EML1: variants seen among roughly 807,000 people sequenced by gnomAD.
EML1 encodes the protein EMAP like 1.
Under a neutral mutation model 110.4 loss-of-function variants are expected in EML1, and 27 were observed. The observed-to-expected ratio is 0.24, with a 90% CI of 0.18 to 0.34. EML1 has a LOEUF of 0.34. EML1 is among the 10% of genes least tolerant of loss of function. The pLI, the probability that EML1 is intolerant of heterozygous loss-of-function variation, is 1.00. For missense variants in EML1, 741 were observed against 1,030.9 expected (o/e 0.72, Z 3.85); for synonymous variants, 344 against 385.8 (o/e 0.89, Z 1.27).
At chr14:99,738,271 C>T (rs1433468807) in intron 1 of EML1, among the ~76,000 whole-genome samples, 1 of 152,202 alleles carries the variant, frequency 6.6e-6, no homozygotes, top group African/African-American at 2.4e-5. Context: ...CCGTCTGATT[C>T]CCCAAGTCTG....
At chr14:99,901,358 G>A (rs754779016) in intron 9 of EML1, among the ~76,000 whole-genome samples, 1 of 152,174 alleles carries the variant, frequency 6.6e-6, no homozygotes, top group East Asian at 1.9e-4. Flanking sequence ...CTTCTTTCAA[G>A]GGTGGCTCCA....
At chr14:99,909,296 T>C in intron 10 of EML1, 49 bp from the exon 11 acceptor site, 1 of 1,613,856 alleles carries the variant, frequency 6.2e-7, no homozygotes, top group Non-Finnish European at 8.5e-7. Flanking sequence ...ACATGTCTCT[T>C]ACGCGTCTTA....
chr14:99,824,481 A>G (rs1358656118), intron 1 of EML1, among the ~76,000 whole-genome samples: 2 of 151,322 alleles, frequency 1.3e-5, no homozygotes, highest in East Asian at 1.9e-4. Flanking sequence ...CAAAATCACA[A>G]TAATACAGCA....
intron 1 of EML1, among the ~76,000 whole-genome samples, chr14:99,761,072 A>G (rs186148401): frequency 5.3e-5 from 8 of 152,292 alleles, no homozygotes; most frequent in Admixed American, 3.9e-4. Context: ...AGAGCTTTAC[A>G]AATGTTACCT....
intron 1 of EML1, among the ~76,000 whole-genome samples, chr14:99,805,291 T>C (rs2057950834): frequency 6.6e-6 from 1 of 152,204 alleles, no homozygotes; most frequent in African/African-American, 2.4e-5. Flanking sequence ...AGAGTGGAAA[T>C]ATTAAATGGT....
chr14:99,825,998 C>T (rs189784900), intron 1 of EML1, among the ~76,000 whole-genome samples: 3 of 152,054 alleles, frequency 2.0e-5, no homozygotes, highest in Admixed American at 1.3e-4. Flanking sequence ...TTTGGTGGGC[C>T]GTTGTACAAC....
intron 1 of EML1, among the ~76,000 whole-genome samples, chr14:99,778,894 A>G (rs928384905): frequency 2.4e-4 from 36 of 152,076 alleles, no homozygotes; most frequent in Admixed American, 2.3e-3. Flanking sequence ...TTCTCTCTAG[A>G]AGCTTTTTGA....
chr14:99,875,039 T>G, intron 3 of EML1: 1 of 1,575,146 alleles, frequency 6.3e-7, no homozygotes, highest in Non-Finnish European at 8.7e-7. Context: ...TTCCATTGTT[T>G]CCATCTCTGT....
intron 1 of EML1, among the ~76,000 whole-genome samples, chr14:99,797,061 C>T (rs1372749667): frequency 3.9e-5 from 6 of 152,120 alleles, no homozygotes; most frequent in Non-Finnish European, 8.8e-5. Context: ...ATTTTAGAAC[C>T]TTTGCATTAC....
Position 99,940,271 on chromosome 14 carries a change from C to T in EML1, c.*159C>T, listed in dbSNP as rs1348198253. The T allele has an allele frequency of 3.1e-6, 3 of 978,902 alleles. No homozygotes were observed. The highest frequency in any genetic ancestry group is 3.8e-5 in the Admixed American group (1 of 25,996). The allele number at this position is 978,902 out of a possible 1,614,324, so 60.6% of individuals were successfully genotyped here. A position where few individuals can be genotyped will look rare whatever the true frequency, so the allele number is the denominator to read the frequency against. On this transcript the variant is annotated 3_prime_UTR_variant, in exon 22 of 22. Transcript: ENST00000262233. ...CTTAGCTTAGCGTGTCAGCGGGCGC[C>T]ACAGCGGATCAGCGGTTCCGTGTTC... is the stretch of plus-strand genomic sequence containing the variant.
rs1457187841 is a variant in EML1 at position 99,827,191 on chromosome 14, T to G, written c.68-23662T>G. The stretch of plus-strand genomic sequence containing the variant: ...AAACTAACCCTGGGCCCTAATCCAG[T>G]CTGGCTAGTGTCCTTATAAGAAGAG... On this transcript the variant is annotated intron_variant, in intron 1 of 21. Transcript: ENST00000262233. This position sits in a 1 kb window ranked among gnomAD's most constrained non-coding sequence, Gnocchi z 4.4. 6.6e-6 allele frequency among the ~76,000 whole-genome samples: 1 copy of G among 151,070 alleles called. No homozygotes were observed. Among genetic ancestry groups the G allele is most frequent in the African/African-American group, 2.4e-5 (1 of 40,964 alleles).
At chr14:99,935,975 C>G (rs1042376953) in intron 17 of EML1, 54 bp from the exon 18 acceptor site, 1 of 1,538,820 alleles carries the variant, frequency 6.5e-7, no homozygotes, top group Non-Finnish European at 8.9e-7. Flanking sequence ...TCCTTTGTAA[C>G]GAACAAAATG....
At chr14:99,903,785 A>ATTT (rs1211025934) in intron 9 of EML1, among the ~76,000 whole-genome samples, 2 of 103,284 alleles carry the variant, frequency 1.9e-5, no homozygotes, top group Non-Finnish European at 3.7e-5. Flanking sequence ...AAATCTATTC[A>ATTT]TTTTTTTTTT....
intron 1 of EML1, among the ~76,000 whole-genome samples, chr14:99,816,417 C>T (rs1207534113): frequency 1.3e-5 from 2 of 152,254 alleles, no homozygotes; most frequent in Non-Finnish European, 2.9e-5. Flanking sequence ...CCTGCCTTGG[C>T]CTCCCAAAGT....
intron 1 of EML1, among the ~76,000 whole-genome samples, chr14:99,824,049 C>T (rs967568167): frequency 3.9e-5 from 6 of 152,216 alleles, no homozygotes; most frequent in South Asian, 2.1e-4. Flanking sequence ...CTCTGCCTCC[C>T]GGATTGAAGG....
chr14:99,930,317 C>T (rs1017637085), intron 17 of EML1, among the ~76,000 whole-genome samples: 2 of 152,204 alleles, frequency 1.3e-5, no homozygotes, highest in South Asian at 2.1e-4. Flanking sequence ...TATACCTCAC[C>T]GTGGGTGGAA....
chr14:99,913,145 T>C (rs2140057823), intron 13 of EML1, among the ~76,000 whole-genome samples: 1 of 125,466 alleles, frequency 8.0e-6, no homozygotes, highest in African/African-American at 3.5e-5. Flanking sequence ...CTTACCATTT[T>C]AAGTTGTATT....
At chr14:99,794,737 A>G (rs2057739024) in intron 1 of EML1, among the ~76,000 whole-genome samples, 1 of 152,242 alleles carries the variant, frequency 6.6e-6, no homozygotes, top group South Asian at 2.1e-4. Flanking sequence ...GTGGAATTAA[A>G]GAAAGTTTCT....
At chr14:99,765,755 C>G (rs2057362106) in intron 1 of EML1, among the ~76,000 whole-genome samples, 1 of 152,034 alleles carries the variant, frequency 6.6e-6, no homozygotes, top group African/African-American at 2.4e-5. Context: ...CAGGCGTGCA[C>G]CACCACGCCT....
Sources: allele counts gnomAD v4.1 joint callset (sites outside exome capture counted in the v4.1 genomes callset), GRCh38; gene constraint gnomAD v4.1.1; non-coding constraint Gnocchi (gnomAD v3.1); transcripts MANE v1.5; gene names NCBI Gene and HGNC (gene_info 2026-07-23, HGNC 2026-07-21).